PRXL2C: variants seen among roughly 807,000 people sequenced by gnomAD.
The protein encoded by PRXL2C is peroxiredoxin-like 2C.
In PRXL2C, 38 loss-of-function variants were observed where a neutral mutation model predicts 24.9. The observed-to-expected ratio is 1.53, with a 90% CI of 1.18 to 2.00. PRXL2C has a LOEUF of 2.00. Ranked by LOEUF, PRXL2C falls within the 30% of genes most tolerant of loss-of-function variation. The pLI, the probability that PRXL2C is intolerant of heterozygous loss-of-function variation, is 0.00. For synonymous variants in PRXL2C, 98 were observed against 117.2 expected, an observed-to-expected ratio of 0.84 and a Z score of 1.06; for missense variants, 294 against 290.9, an observed-to-expected ratio of 1.01 and a Z score of -0.08.
At position 96,651,671 on chromosome 9, in the gene PRXL2C, G is replaced by A; in HGVS notation, c.303C>T (p.Tyr101=). 6.2e-7 allele frequency: 1 copy of A among 1,610,248 alleles called. No individual in the cohort carries two copies. Among genetic ancestry groups the A allele is most frequent in the African/African-American group, 1.3e-5 (1 of 74,800 alleles). Residue 101 remains tyrosine, a synonymous_variant, in exon 3 of 6, where the codon TAC becomes TAT. Transcript: ENST00000375234. ...VTLIVIGQSS[Y]HHIEPFCKLT... ...ACTAGATATTTACCTCAATATGATG[G>A]TAGGATGACTGTCCAATCACTATAA...
rs766997408 is a variant in PRXL2C, at chr9:96,654,742, A to C, written c.224T>G (p.Val75Gly). The C allele has an allele frequency of 6.4e-7, 1 of 1,567,380 alleles. No individual in the cohort carries two copies. The highest frequency in any genetic ancestry group is 8.7e-7 in the Non-Finnish European group (1 of 1,154,680). ...HFLCYICKEY[V>G]EDLAKIPRSF... Reference sequence around the variant, plus strand: ...CCTGGGGATTTTGGCCAGATCCTCTACGTATTCCTTGCAGATGTAACACAG... The same window carrying C: ...CCTGGGGATTTTGGCCAGATCCTCTCCGTATTCCTTGCAGATGTAACACAG... The change falls in exon 2 of 6, where the codon GTA (valine) becomes GGA (glycine). Residue 75 changes from valine (V) to glycine (G), a missense_variant. Coordinates refer to ENST00000375234, the MANE Select transcript of PRXL2C (RefSeq NM_153698.2).
chr9:96,644,612 A>T (rs1848165116), intron 5 of PRXL2C, among the ~76,000 whole-genome samples: 1 of 152,058 alleles, frequency 6.6e-6, no homozygotes, highest in South Asian at 2.1e-4. Context: ...TAGCCTCCCA[A>T]GTAGGTGGGA....
Position 96,641,400 on chromosome 9 carries a change from C to T in PRXL2C, c.*359G>A, listed in dbSNP as rs1320264174. On this transcript the variant is annotated 3_prime_UTR_variant, in exon 6 of 6. Transcript: ENST00000375234. Reference sequence around the variant, plus strand: ...AATATAATGGTCTTGTGTTGTTCTCCTGTCCCCTTATATACTGTCAGAATT... The same window carrying T: ...AATATAATGGTCTTGTGTTGTTCTCTTGTCCCCTTATATACTGTCAGAATT... 6.3e-6 allele frequency: 1 copy of T among 158,268 alleles called. No individual in the cohort carries two copies. Among genetic ancestry groups the T allele is most frequent in the African/African-American group, 2.4e-5 (1 of 41,670 alleles). 9.8% of individuals were successfully genotyped at this position (158,268 alleles called of 1,614,324 possible).
At chr9:96,653,103 G>A (rs1848294315) in intron 2 of PRXL2C, among the ~76,000 whole-genome samples, 2 of 151,976 alleles carry the variant, frequency 1.3e-5, no homozygotes, top group South Asian at 4.2e-4. Flanking sequence ...GCGGGCGCCT[G>A]TTAGTCCCAG....
intron 5 of PRXL2C, among the ~76,000 whole-genome samples, chr9:96,642,962 T>G (rs369913336): frequency 1.3e-5 from 2 of 152,228 alleles, no homozygotes; most frequent in Non-Finnish European, 2.9e-5. Context: ...CTGCTGAATA[T>G]GTACAGACAT....
chr9:96,641,678 C>T lies in PRXL2C; in HGVS notation c.*81G>A. 2 of 1,372,742 alleles carry T rather than the reference C, an allele frequency of 1.5e-6. No individual in the cohort carries two copies. Among genetic ancestry groups the T allele is most frequent in the Non-Finnish European group, 1.9e-6 (2 of 1,029,774 alleles). The allele number at this position is 1,372,742 out of a possible 1,614,324, so 85.0% of individuals were successfully genotyped here. ...GGCTGGGAAGGGACAGCAGGTTAGACACTGCACGAGGATATTACACCCAGG... is the reference window on the plus strand; with the variant it reads ...GGCTGGGAAGGGACAGCAGGTTAGATACTGCACGAGGATATTACACCCAGG... On this transcript the variant is annotated 3_prime_UTR_variant, in exon 6 of 6. Coordinates refer to ENST00000375234, the MANE Select transcript of PRXL2C (RefSeq NM_153698.2).
At chr9:96,654,117 G>T (rs1848313996) in intron 2 of PRXL2C, among the ~76,000 whole-genome samples, 1 of 152,214 alleles carries the variant, frequency 6.6e-6, no homozygotes, top group African/African-American at 2.4e-5. Flanking sequence ...TGGGATTACA[G>T]GCGTGAGCCA....
Position 96,641,778 on chromosome 9 carries a change from GGTCT to G in PRXL2C, c.658_661del (p.Arg220LeufsTer22). 2 of 1,573,962 alleles carry G rather than the reference GGTCT, an allele frequency of 1.3e-6. No homozygotes were observed. The highest frequency in any genetic ancestry group is 1.7e-6 in the Non-Finnish European group (2 of 1,151,068). ...TTTAAGTCACACATGGATAACTGAAGGTCTGTTTGTAAAGTTCACATGCTGAACT... is the reference window on the plus strand; with the variant it reads ...TTTAAGTCACACATGGATAACTGAAGGTTTGTAAAGTTCACATGCTGAACT... On this transcript the variant is annotated frameshift_variant, in exon 6 of 6. Coordinates refer to ENST00000375234, the MANE Select transcript of PRXL2C (RefSeq NM_153698.2). LOFTEE classifies it high-confidence loss of function.
chr9:96,644,893 T>C (rs1247205893), intron 5 of PRXL2C, among the ~76,000 whole-genome samples: 3,914 of 94,806 alleles, frequency 0.041, 319 homozygotes, highest in African/African-American at 0.17. Context: ...TTTTTTTTTT[T>C]TTTTTTTTTT....
At chr9:96,648,192 G>A (rs139358417) in intron 4 of PRXL2C, among the ~76,000 whole-genome samples, 3 of 152,196 alleles carry the variant, frequency 2.0e-5, no homozygotes, top group South Asian at 2.1e-4. Flanking sequence ...TGTGAGCCAC[G>A]ACACCCAGCC....
In PRXL2C at chr9:96,641,635, CT is replaced by C; in HGVS notation, c.*123del. On this transcript the variant is annotated 3_prime_UTR_variant, in exon 6 of 6. Coordinates refer to ENST00000375234, the MANE Select transcript of PRXL2C (RefSeq NM_153698.2). ...TCAACAGGTTCAAGCCCCCTTTATG[CT>C]TCCCTAACTCCTCAAAGGCTGGGAA... The C allele has an allele frequency of 9.9e-7, 1 of 1,009,124 alleles. No individual in the cohort carries two copies. Among genetic ancestry groups the C allele is most frequent in the Admixed American group, 3.2e-5 (1 of 31,730 alleles). The allele number at this position is 1,009,124 out of a possible 1,614,324, so 62.5% of individuals were successfully genotyped here.
At chr9:96,651,342 T>A in intron 4 of PRXL2C, 48 bp downstream of exon 4, 2 of 1,352,980 alleles carry the variant, frequency 1.5e-6, no homozygotes, top group Non-Finnish European at 2.1e-6. Context: ...TACACAAATA[T>A]GAACATACAC....
rs145187742 is a variant in PRXL2C at position 96,641,528 on chromosome 9, AT to A, written c.*230del. 0.015 allele frequency: 4,851 copies of A among 329,854 alleles called. 197 individuals are homozygous for A. The highest frequency in any genetic ancestry group is 0.09 in the African/African-American group (4,244 of 47,168). 20.4% of individuals were successfully genotyped at this position (329,854 alleles called of 1,614,324 possible). A position where few individuals can be genotyped will look rare whatever the true frequency, so the allele number is the denominator to read the frequency against. The stretch of plus-strand genomic sequence containing the variant: ...TTTTAAAGTTATATTTTGTATATTC[AT>A]TTTTTTTGTATAAAATGTTAAAAGT... On this transcript the variant is annotated 3_prime_UTR_variant, in exon 6 of 6. Transcript: ENST00000375234.
In PRXL2C at chr9:96,641,449, T is replaced by C. The variant is rs147155053; in HGVS notation, c.*310A>G. The stretch of plus-strand genomic sequence containing the variant: ...TTTATATTGCCAAAAAACTCTTTCA[T>C]TGACTGAATATACCATAATGTAAAA... On this transcript the variant is annotated 3_prime_UTR_variant, in exon 6 of 6. Coordinates refer to ENST00000375234, the MANE Select transcript of PRXL2C (RefSeq NM_153698.2). 2.3e-4 allele frequency: 42 copies of C among 182,896 alleles called. No homozygotes were observed. The East Asian group carries it at 5.7e-3, about 25-fold the overall frequency. 11.3% of individuals were successfully genotyped at this position (182,896 alleles called of 1,614,324 possible).
chr9:96,646,183 G>A (rs1021426599), intron 4 of PRXL2C, among the ~76,000 whole-genome samples, 159 bp from the exon 5 acceptor site: 4 of 152,066 alleles, frequency 2.6e-5, no homozygotes, highest in East Asian at 1.9e-4. Context: ...TGTCCTGTGC[G>A]ATATACGGTG....
chr9:96,643,325 C>T (rs1051798937), intron 5 of PRXL2C, among the ~76,000 whole-genome samples: 2 of 152,104 alleles, frequency 1.3e-5, no homozygotes, highest in Non-Finnish European at 2.9e-5. Context: ...GGCTCACTGC[C>T]AACCTCCACT....
At position 96,654,721 on chromosome 9, in the gene PRXL2C, G is replaced by T. The variant is rs1056721820; in HGVS notation, c.245C>A (p.Pro82His). 3.2e-6 allele frequency: 5 copies of T among 1,565,468 alleles called. No individual in the cohort carries two copies. Among genetic ancestry groups the T allele is most frequent in the Non-Finnish European group, 3.5e-6 (4 of 1,153,742 alleles). Residue 82 changes from proline (P) to histidine (H), a missense_variant, in exon 2 of 6, where the codon CCC (proline) becomes CAC (histidine). Transcript: ENST00000375234. ...KEYVEDLAKI[P>H]RSFLQEANVT... Reference sequence around the variant, plus strand: ...GAAACTCACTTGTAAGAAACTCCTGGGGATTTTGGCCAGATCCTCTACGTA... The same window carrying T: ...GAAACTCACTTGTAAGAAACTCCTGTGGATTTTGGCCAGATCCTCTACGTA...
chr9:96,645,085 AT>A (rs1166637505), intron 5 of PRXL2C, among the ~76,000 whole-genome samples: 1 of 149,116 alleles, frequency 6.7e-6, no homozygotes, highest in Non-Finnish European at 1.5e-5. Context: ...TTTTTTTTGT[AT>A]TTTTAGTAGA....
Position 96,641,623 on chromosome 9 carries a change from G to GCC in PRXL2C, c.*134_*135dup. ...CCAGCATGCAATTCAACAGGTTCAA[G>GCC]CCCCCTTTATGCTTCCCTAACTCCT... On this transcript the variant is annotated 3_prime_UTR_variant, in exon 6 of 6. Transcript: ENST00000375234. The GCC allele has an allele frequency of 1.2e-6, 1 of 801,286 alleles. No individual in the cohort carries two copies. The highest frequency in any genetic ancestry group is 1.8e-5 in the African/African-American group (1 of 56,242). 49.6% of individuals were successfully genotyped at this position (801,286 alleles called of 1,614,324 possible).
Sources: allele counts gnomAD v4.1 joint callset (sites outside exome capture counted in the v4.1 genomes callset), GRCh38; gene constraint gnomAD v4.1.1; transcripts MANE v1.5; gene names NCBI Gene and HGNC (gene_info 2026-07-23, HGNC 2026-07-21).